CAMK2B: variants seen among roughly 807,000 people sequenced by gnomAD.
CAMK2B encodes the protein calcium/calmodulin dependent protein kinase II beta.
Under a neutral mutation model 93.7 loss-of-function variants are expected in CAMK2B, and 27 were observed. The ratio of observed to expected loss-of-function variants is 0.29; its 90% confidence interval spans 0.21 to 0.40. The LOEUF (loss-of-function observed/expected upper bound fraction) is 0.40, where lower values mean the gene tolerates loss of function less well. CAMK2B is among the 10% of genes least tolerant of loss of function. The probability of loss-of-function intolerance (pLI) is 1.00; values close to 1 mark genes in which losing one functional copy is unlikely to be tolerated. For synonymous variants in CAMK2B, 374 were observed against 358.8 expected, an observed-to-expected ratio of 1.04 and a Z score of -0.48; for missense variants, 568 against 895.8, an observed-to-expected ratio of 0.63 and a Z score of 4.67.
At chr7:44,296,956 T>G (rs1389066848) in intron 1 of CAMK2B, among the ~76,000 whole-genome samples, 1 of 152,136 alleles carries the variant, frequency 6.6e-6, no homozygotes. Context: ...GTTCAGAAAC[T>G]TGGATCTACA....
chr7:44,264,091 G>C (rs2129042273), intron 2 of CAMK2B: 1 of 154,060 alleles, frequency 6.5e-6, no homozygotes, highest in Middle Eastern at 6.9e-4. Context: ...TACCTGCCCA[G>C]TGCTGAGTCC....
rs913837467 is a variant in CAMK2B, at chr7:44,291,971, T to C, written c.66-7746A>G. Among the ~76,000 whole-genome samples the C allele has an allele frequency of 1.2e-4, 19 of 152,336 alleles. 1 individual carries two copies. In the South Asian group the frequency reaches 3.7e-3, roughly 30 times the overall value. Reference sequence around the variant, plus strand: ...CAACAAGAGCTAAAGTCTTAACTTATCCATGCTTTATGAGCCTGCTCGGGC... The same window carrying C: ...CAACAAGAGCTAAAGTCTTAACTTACCCATGCTTTATGAGCCTGCTCGGGC... On this transcript the variant is annotated intron_variant, in intron 1 of 23. Coordinates refer to ENST00000395749, the MANE Select transcript of CAMK2B (RefSeq NM_001220.5).
At position 44,237,981 on chromosome 7, in the gene CAMK2B, A is replaced by T. The variant is rs1364276627; in HGVS notation, c.1021+1608T>A. 2.6e-5 allele frequency among the ~76,000 whole-genome samples: 4 copies of T among 152,198 alleles called. No individual in the cohort carries two copies. The South Asian group carries it at 8.3e-4, about 32-fold the overall frequency. On this transcript the variant is annotated intron_variant, in intron 13 of 23. Coordinates refer to ENST00000395749, the MANE Select transcript of CAMK2B (RefSeq NM_001220.5). ...GACCACAGAGGCCAAACTGAAGCAC[A>T]CTCGACAGACGGGGTCTCTCTGCGG...
At chr7:44,244,369 C>A (rs1385465427) in intron 6 of CAMK2B, among the ~76,000 whole-genome samples, 1 of 152,154 alleles carries the variant, frequency 6.6e-6, no homozygotes, top group Non-Finnish European at 1.5e-5. Flanking sequence ...TCCCATGGGA[C>A]CTTCCTGTCC....
chr7:44,234,434 C>A lies in CAMK2B; in HGVS notation c.1087G>T (p.Ala363Ser). The change falls in exon 15 of 24, where the codon GCA becomes TCA. Residue 363 changes from alanine to serine, a missense_variant. Ala to Ser is a moderately conservative substitution (Grantham distance 99, BLOSUM62 1). Transcript: ENST00000395749. Reference sequence around the variant, plus strand: ...GTCCCTTTGGGGCTGGTGGCGGCTGCACTGTTTTTGGTGCTATTCGTCTGG... The same window carrying A: ...GTCCCTTTGGGGCTGGTGGCGGCTGAACTGTTTTTGGTGCTATTCGTCTGG... ...KPQTNSTKNS[A>S]AATSPKGTLP... is the part of the protein sequence containing the mutation. 2 of 1,552,284 alleles carry A rather than the reference C, an allele frequency of 1.3e-6. No homozygotes were observed. Among genetic ancestry groups the A allele is most frequent in the South Asian group, 1.2e-5 (1 of 81,422 alleles).
Position 44,228,273 on chromosome 7 carries a change from G to A in CAMK2B, c.1468+523C>T, listed in dbSNP as rs547542161. Among the ~76,000 whole-genome samples, 15 of 152,164 alleles carry A rather than the reference G, an allele frequency of 9.9e-5. 1 individual carries two copies. The South Asian group carries it at 3.1e-3, about 32-fold the overall frequency. On this transcript the variant is annotated intron_variant, in intron 19 of 23. Transcript: ENST00000395749. ...TGATTCTCCGTACTATCCCCTTGTT[G>A]GTGAGCTCCAGAGACCCTGGTCGGG...
At position 44,299,734 on chromosome 7, in the gene CAMK2B, C is replaced by T. The variant is rs189927450; in HGVS notation, c.66-15509G>A. On this transcript the variant is annotated intron_variant, in intron 1 of 23. Coordinates refer to ENST00000395749, the MANE Select transcript of CAMK2B (RefSeq NM_001220.5). ...TTAATTGTGTGATCCTGAGAAAACT[C>T]CTCATCTGTAAATGGAGATGATAAT... Among the ~76,000 whole-genome samples the T allele has an allele frequency of 4.1e-4, 63 of 152,204 alleles. 1 individual carries two copies. Among genetic ancestry groups the T allele is most frequent in the Middle Eastern group, 6.8e-3 (2 of 292 alleles).
At position 44,220,555 on chromosome 7, in the gene CAMK2B, G is replaced by C. The variant is rs911605650; in HGVS notation, c.1768+61C>G. The C allele has an allele frequency of 9.9e-6, 14 of 1,409,636 alleles. No homozygotes were observed. The East Asian group carries it at 3.0e-4, about 31-fold the overall frequency. 87.3% of individuals were successfully genotyped at this position (1,409,636 alleles called of 1,614,324 possible). A position where few individuals can be genotyped will look rare whatever the true frequency, so the allele number is the denominator to read the frequency against. ...GCAGCCACCATGCTGTCCCTGGGAG[G>C]GGCCGAGAGGCTCTCCTGGGGGCAC... On this transcript the variant is annotated intron_variant, in intron 22 of 23. Coordinates refer to ENST00000395749, the MANE Select transcript of CAMK2B (RefSeq NM_001220.5).
rs1793734095 is a variant in CAMK2B, at chr7:44,312,201, A to G, written c.65+13156T>C. On this transcript the variant is annotated intron_variant, in intron 1 of 23. Coordinates refer to ENST00000395749, the MANE Select transcript of CAMK2B (RefSeq NM_001220.5). The surrounding 1 kb of genome is among the most constrained non-coding windows in gnomAD (Gnocchi z 4.1). ...CCAGAGCCTCCATCCTTGGTGCCAG[A>G]AAGTGGAGGTGAGTGGAATTTAAAA... 6.6e-6 allele frequency among the ~76,000 whole-genome samples: 1 copy of G among 152,188 alleles called. No individual in the cohort carries two copies. Among genetic ancestry groups the G allele is most frequent in the African/African-American group, 2.4e-5 (1 of 41,436 alleles).
At chr7:44,314,569 A>G (rs997242022) in intron 1 of CAMK2B, among the ~76,000 whole-genome samples, 6 of 152,208 alleles carry the variant, frequency 3.9e-5, no homozygotes, top group African/African-American at 1.4e-4. Flanking sequence ...CTTTTTGGCT[A>G]TTATGGATAA....
intron 5 of CAMK2B, among the ~76,000 whole-genome samples, chr7:44,251,768 G>A (rs549321784): frequency 1.2e-4 from 18 of 152,318 alleles, no homozygotes; most frequent in African/African-American, 4.1e-4. Context: ...CCTCCGCATC[G>A]GGAGTCCTGT....
At chr7:44,256,518 T>C (rs1183146901) in intron 4 of CAMK2B, among the ~76,000 whole-genome samples, 1 of 152,202 alleles carries the variant, frequency 6.6e-6, no homozygotes, top group Non-Finnish European at 1.5e-5. Context: ...TGTGTGCATG[T>C]TTGTACATAT....
rs764520266 is a variant in CAMK2B at position 44,242,269 on chromosome 7, G to A, written c.768C>T (p.Asn256=). ...CATGGGCTGTGATGCGCTTGGCAGG[G>A]TTGATGGTCAGCATCTGGTTGATGA... ...KNLINQMLTI[N]PAKRITAHEA... The change falls in exon 10 of 24, where the codon AAC becomes AAT. Residue 256 remains asparagine, a synonymous_variant. Transcript: ENST00000395749. The A allele has an allele frequency of 6.2e-7, 1 of 1,614,116 alleles. No individual in the cohort carries two copies. The highest frequency in any genetic ancestry group is 8.5e-7 in the Non-Finnish European group (1 of 1,179,954).
At chr7:44,247,754 G>A (rs929611193) in intron 5 of CAMK2B, among the ~76,000 whole-genome samples, 7 of 152,320 alleles carry the variant, frequency 4.6e-5, no homozygotes, top group East Asian at 1.9e-4. Flanking sequence ...CTGCCTGGGC[G>A]CGGTGGTTCA....
intron 3 of CAMK2B, among the ~76,000 whole-genome samples, chr7:44,260,631 T>C (rs1308500687): frequency 1.3e-5 from 2 of 152,202 alleles, no homozygotes; most frequent in Non-Finnish European, 2.9e-5. Context: ...ACCTTTGTGG[T>C]GCTCTGAGAC....
At chr7:44,235,986 C>CCAGCAGCAG (rs56301509) in intron 13 of CAMK2B, among the ~76,000 whole-genome samples, 1 of 151,828 alleles carries the variant, frequency 6.6e-6, no homozygotes, top group African/African-American at 2.4e-5. Flanking sequence ...TCCCCCAACC[C>CCAGCAGCAG]CAGCAGCAGC....
chr7:44,301,440 A>C (rs991362335), intron 1 of CAMK2B, among the ~76,000 whole-genome samples: 4 of 152,294 alleles, frequency 2.6e-5, no homozygotes, highest in Non-Finnish European at 2.9e-5. Flanking sequence ...CCTGGCCAAA[A>C]GTAATCTTTA....
At chr7:44,257,793 T>A (rs550598120) in intron 4 of CAMK2B, among the ~76,000 whole-genome samples, 1 of 152,256 alleles carries the variant, frequency 6.6e-6, no homozygotes, top group Non-Finnish European at 1.5e-5. Flanking sequence ...GAACCTCACA[T>A]GGACAGAGGC....
At chr7:44,261,921 CAG>C (rs2096882145) in intron 3 of CAMK2B, among the ~76,000 whole-genome samples, 1 of 152,204 alleles carries the variant, frequency 6.6e-6, no homozygotes, top group South Asian at 2.1e-4. Flanking sequence ...CAAATCTCGT[CAG>C]GGGCTAAGCT....
Sources: gnomAD v4.1 joint callset for allele counts (sites outside exome capture counted in the v4.1 genomes callset) on GRCh38, gnomAD v4.1.1 for gene constraint, Gnocchi (gnomAD v3.1) non-coding constraint, MANE v1.5 for transcripts, NCBI Gene and HGNC (gene_info 2026-07-23, HGNC 2026-07-21) for gene names.